Variants in SCN4A observed in about 807,000 individuals in gnomAD.
SCN4A encodes sodium voltage-gated channel alpha subunit 4, also known as sodium channel protein type 4 subunit alpha.
A neutral mutation model predicts 162.0 loss-of-function variants in SCN4A; 83 were observed. The ratio of observed to expected loss-of-function variants is 0.51; its 90% CI spans 0.43 to 0.61. The LOEUF is 0.61. SCN4A is among the 20% of genes least tolerant of loss of function. The pLI is 0.00. For missense variants in SCN4A, 2,196 were observed against 2,462.5 expected (o/e 0.89, Z 2.29); for synonymous variants, 944 against 985.1 (o/e 0.96, Z 0.78).
chr17:63,969,096 G>C (rs1205955175), intron 5 of SCN4A, among the ~76,000 whole-genome samples: 1 of 152,178 alleles, frequency 6.6e-6, no homozygotes, highest in African/African-American at 2.4e-5. Flanking sequence ...GCCTGCCTCA[G>C]CCTCCCAAAA....
At position 63,940,991 on chromosome 17, in the gene SCN4A, T is replaced by C. The variant is rs1567815771; in HGVS notation, c.5291A>G (p.Asp1764Gly). ...YRHSHDGSGD[D>G]APEKEGLLAN... ...AAGCAGCCCCTCCTTCTCAGGGGCG[T>C]CATCCCCGCTGCCGTCGTGGCTGTG... The change falls in exon 24 of 24, where the codon GAC (aspartate) becomes GGC (glycine). Residue 1764 changes from aspartate (D) to glycine (G), a missense_variant. Transcript: ENST00000435607. The C allele has an allele frequency of 6.2e-7, 1 of 1,613,160 alleles. No individual in the cohort carries two copies. Among genetic ancestry groups the C allele is most frequent in the Non-Finnish European group, 8.5e-7 (1 of 1,179,168 alleles).
At chr17:63,948,094 G>A (rs774364837) in intron 16 of SCN4A, 31 bp from the exon 17 acceptor site, 1 of 1,566,544 alleles carries the variant, frequency 6.4e-7, no homozygotes, top group Admixed American at 1.8e-5. Flanking sequence ...AGGGTGGCTG[G>A]GGTCCAGCAG....
intron 4 of SCN4A, 76 bp downstream of exon 4, chr17:63,971,646 G>A (rs1909611272): frequency 5.1e-6 from 7 of 1,382,680 alleles, no homozygotes; most frequent in Middle Eastern, 2.5e-4. Context: ...CTCAGCCCAG[G>A]CAGCTTCCCT....
At chr17:63,949,597 G>A in intron 14 of SCN4A, 69 bp from the exon 15 acceptor site, 1 of 1,496,854 alleles carries the variant, frequency 6.7e-7, no homozygotes, top group Non-Finnish European at 9.0e-7. Flanking sequence ...TACCAGATGG[G>A]GCAGGATGGG....
At position 63,951,866 on chromosome 17, in the gene SCN4A, G is replaced by C. The variant is rs121908546; in HGVS notation, c.2411C>G (p.Ser804Cys). 5.2e-6 allele frequency: 8 copies of C among 1,551,322 alleles called. No homozygotes were observed. The highest frequency in any genetic ancestry group is 6.9e-6 in the Non-Finnish European group (8 of 1,152,346). Residue 804 changes from serine (S) to cysteine (C), a missense_variant, in exon 14 of 24, where the codon TCC becomes TGC. Transcript: ENST00000435607. The surrounding 1 kb of genome is among the most constrained non-coding windows in gnomAD (Gnocchi z 4.5). Reference sequence around the variant, plus strand: ...GGCTGCCAGACTGTCGGCGCTGAAGGAGCTCAGCAGCAGAGCCAGGAACAG... The same window carrying C: ...GGCTGCCAGACTGTCGGCGCTGAAGCAGCTCAGCAGCAGAGCCAGGAACAG... ...LNLFLALLLS[S>C]FSADSLAASD...
At chr17:63,966,293 TG>T in intron 7 of SCN4A, 50 bp from the exon 8 acceptor site, 2 of 1,573,106 alleles carry the variant, frequency 1.3e-6, no homozygotes, top group Non-Finnish European at 1.7e-6. Context: ...GCACTCCAGC[TG>T]GGGGCAGATA....
chr17:63,949,243 G>T, intron 15 of SCN4A, 150 bp downstream of exon 15: 1 of 803,968 alleles, frequency 1.2e-6, no homozygotes, highest in Non-Finnish European at 1.9e-6. Flanking sequence ...CACAGTTCTG[G>T]GCATGCACTG....
chr17:63,961,420 C>A lies in SCN4A; in HGVS notation c.1618G>T (p.Ala540Ser). Residue 540 changes from alanine to serine, a missense_variant, in exon 11 of 24, where the codon GCC becomes TCC. Coordinates refer to ENST00000435607, the MANE Select transcript of SCN4A (RefSeq NM_000334.4). ...CACCATGGTGGGCACTTTTGGTGGG[C>A]CTCTTCCAGTTCTGGGAGAGGGGTG... ...ISDAMEELEE[A>S]HQKCPPWWYK... 2 of 1,612,734 alleles carry A rather than the reference C, an allele frequency of 1.2e-6. No individual in the cohort carries two copies. The highest frequency in any genetic ancestry group is 1.7e-6 in the Non-Finnish European group (2 of 1,178,914).
chr17:63,952,786 A>G (rs1482023149), intron 13 of SCN4A, among the ~76,000 whole-genome samples: 1 of 151,944 alleles, frequency 6.6e-6, no homozygotes, highest in Non-Finnish European at 1.5e-5. Context: ...TTTATTTTCC[A>G]GTGGATAGAC....
At chr17:63,961,728 C>G (rs1909264926) in intron 10 of SCN4A, 3 of 416,066 alleles carry the variant, frequency 7.2e-6, no homozygotes, top group Admixed American at 7.5e-5. Context: ...CCCCCGCCTA[C>G]AGCCCCACCC....
At position 63,972,576 on chromosome 17, in the gene SCN4A, T is replaced by C. The variant is rs1358087685; in HGVS notation, c.266A>G (p.Asn89Ser). ...GCCTTCCCAGGCCCAGACCTTCTTA[T>C]TGCTGTAGTAGGGATCCAGGTCCTC... ...PLEDLDPYYS[N>S]KKTFIVLNKG... Residue 89 changes from asparagine to serine, a missense_variant, in exon 1 of 24, where the codon AAT (asparagine) becomes AGT (serine). Physicochemically the swap from Asn to Ser is conservative, Grantham distance 46 (BLOSUM62 1). Coordinates refer to ENST00000435607, the MANE Select transcript of SCN4A (RefSeq NM_000334.4). This position sits in a 1 kb window ranked among gnomAD's most constrained non-coding sequence, Gnocchi z 4.3. 2 of 1,594,304 alleles carry C rather than the reference T, an allele frequency of 1.3e-6. No homozygotes were observed. Among genetic ancestry groups the C allele is most frequent in the South Asian group, 1.1e-5 (1 of 88,744 alleles).
intron 14 of SCN4A, chr17:63,949,808 A>C: frequency 3.0e-5 from 7 of 235,600 alleles, no homozygotes; most frequent in East Asian, 1.8e-4. Flanking sequence ...GCCTCAGATA[A>C]GGGAGGAGGC....
chr17:63,951,873 G>T lies in SCN4A; in HGVS notation c.2404C>A (p.Leu802Met). Residue 802 changes from leucine to methionine, a missense_variant, in exon 14 of 24, where the codon CTG becomes ATG. Coordinates refer to ENST00000435607, the MANE Select transcript of SCN4A (RefSeq NM_000334.4). The surrounding 1 kb of genome is among the most constrained non-coding windows in gnomAD (Gnocchi z 4.5). ...VVLNLFLALL[L>M]SSFSADSLAA... The stretch of plus-strand genomic sequence containing the variant: ...AGACTGTCGGCGCTGAAGGAGCTCA[G>T]CAGCAGAGCCAGGAACAGGTTCAGG... The T allele has an allele frequency of 6.5e-7, 1 of 1,547,092 alleles. No homozygotes were observed. Among genetic ancestry groups the T allele is most frequent in the Non-Finnish European group, 8.7e-7 (1 of 1,150,278 alleles).
Position 63,947,873 on chromosome 17 carries a change from A to G in SCN4A, c.3318+17T>C, listed in dbSNP as rs766325793. 10 of 1,611,928 alleles carry G rather than the reference A, an allele frequency of 6.2e-6. No homozygotes were observed. The Admixed American group carries it at 6.7e-5, about 11-fold the overall frequency. On this transcript the variant is annotated intron_variant, in intron 17 of 23. Transcript: ENST00000435607. ...AGCCTCTGGATGTAGCTACGGGGCC[A>G]GCGTGGGGGGACTCACATCCACGAT...
At chr17:63,942,399 A>G (rs935573701) in intron 23 of SCN4A, among the ~76,000 whole-genome samples, 14 of 152,140 alleles carry the variant, frequency 9.2e-5, no homozygotes, top group South Asian at 2.1e-4. Flanking sequence ...TACCTGTAAA[A>G]TGGGAACAAC....
At position 63,966,354 on chromosome 17, in the gene SCN4A, G is replaced by A. The variant is rs1366583256; in HGVS notation, c.1101-111C>T. Reference sequence around the variant, plus strand: ...CAGTTCTGCCTGTGTCCCCCAAACAGAAAAGTATTCCATCCATGCCCACAG... The same window carrying A: ...CAGTTCTGCCTGTGTCCCCCAAACAAAAAAGTATTCCATCCATGCCCACAG... On this transcript the variant is annotated intron_variant, in intron 7 of 23. Coordinates refer to ENST00000435607, the MANE Select transcript of SCN4A (RefSeq NM_000334.4). 4 of 1,423,872 alleles carry A rather than the reference G, an allele frequency of 2.8e-6. No homozygotes were observed. In the East Asian group the frequency reaches 9.5e-5, roughly 34 times the overall value. The allele number at this position is 1,423,872 out of a possible 1,614,324, so 88.2% of individuals were successfully genotyped here.
chr17:63,970,508 G>A (rs1909580207), intron 5 of SCN4A, among the ~76,000 whole-genome samples: 1 of 152,150 alleles, frequency 6.6e-6, no homozygotes, highest in Admixed American at 6.5e-5. Context: ...CTTTTTCCCA[G>A]GCTGGAGTGC....
Position 63,971,856 on chromosome 17 carries a change from G to T in SCN4A, c.483-6C>A, listed in dbSNP as rs746724521. On this transcript the variant is annotated splice_polypyrimidine_tract_variant and splice_region_variant and intron_variant, in intron 3 of 23. Transcript: ENST00000435607. Reference sequence around the variant, plus strand: ...AGATCCCTGTGAAGGTGTACCTGGGGGGGAGAGGGCCGGCCGGGACAGGCA... The same window carrying T: ...AGATCCCTGTGAAGGTGTACCTGGGTGGGAGAGGGCCGGCCGGGACAGGCA... 6.5e-7 allele frequency: 1 copy of T among 1,526,776 alleles called. No individual in the cohort carries two copies. Among genetic ancestry groups the T allele is most frequent in the African/African-American group, 1.6e-5 (1 of 64,056 alleles). 94.6% of individuals were successfully genotyped at this position (1,526,776 alleles called of 1,614,324 possible). A position where few individuals can be genotyped will look rare whatever the true frequency, so the allele number is the denominator to read the frequency against.
At position 63,944,896 on chromosome 17, in the gene SCN4A, C is replaced by T. The variant is rs1026543952; in HGVS notation, c.3775-86G>A. The T allele has an allele frequency of 8.2e-6, 13 of 1,593,014 alleles. No individual in the cohort carries two copies. The highest frequency in any genetic ancestry group is 6.7e-5 in the African/African-American group (5 of 74,454). ...CAGCCCTGAGGGCAGGACCCATCCA[C>T]CCCCAGGGCTGCCAAGTCTCGGGGA... On this transcript the variant is annotated intron_variant, in intron 20 of 23. Coordinates refer to ENST00000435607, the MANE Select transcript of SCN4A (RefSeq NM_000334.4). The surrounding 1 kb of genome is among the most constrained non-coding windows in gnomAD (Gnocchi z 4.3).
Sources: allele counts gnomAD v4.1 joint callset (sites outside exome capture counted in the v4.1 genomes callset), GRCh38; gene constraint gnomAD v4.1.1; non-coding constraint Gnocchi (gnomAD v3.1); transcripts MANE v1.5; gene names NCBI Gene and HGNC (gene_info 2026-07-23, HGNC 2026-07-21).